RBFOX3: variants seen among roughly 807,000 people sequenced by gnomAD.
RBFOX3 encodes RNA binding fox-1 homolog 3.
A neutral mutation model predicts 48.7 loss-of-function variants in RBFOX3; 17 were observed. The observed-to-expected ratio is 0.35, with a 90% CI of 0.24 to 0.52. RBFOX3 has a LOEUF of 0.52. RBFOX3 is among the 20% of genes least tolerant of loss of function. The pLI is 0.94. For missense variants in RBFOX3, 382 were observed against 497.5 expected (o/e 0.77, Z 2.21); for synonymous variants, 212 against 209.5 (o/e 1.01, Z -0.10).
At chr17:79,097,255 C>A in intron 11 of RBFOX3, 37 bp downstream of exon 11, 3 of 1,476,868 alleles carry the variant, frequency 2.0e-6, no homozygotes, top group South Asian at 1.2e-5. Flanking sequence ...CGCCGTCCTA[C>A]CCCCTCCTCC....
intron 1 of RBFOX3, among the ~76,000 whole-genome samples, chr17:79,607,390 C>T (rs889749394): frequency 3.9e-5 from 6 of 152,128 alleles, no homozygotes; most frequent in African/African-American, 1.4e-4. Context: ...AACTTGCAGG[C>T]TCTGGGCTGG....
At chr17:79,388,675 G>A (rs529490901) in intron 2 of RBFOX3, among the ~76,000 whole-genome samples, 18 of 152,146 alleles carry the variant, frequency 1.2e-4, no homozygotes, top group South Asian at 2.1e-4. Context: ...TAGTGGCCAC[G>A]GAGGATGTCC....
rs572920105 is a variant in RBFOX3 at position 79,187,352 on chromosome 17, G to A, written c.-34+48414C>T. ...CCGACCATCCTCAGGCTTCCCCTGCGCCGTGAGGACAGTGTGCAGCTTGGC... is the reference window on the plus strand; with the variant it reads ...CCGACCATCCTCAGGCTTCCCCTGCACCGTGAGGACAGTGTGCAGCTTGGC... On this transcript the variant is annotated intron_variant, in intron 4 of 14. Coordinates refer to ENST00000693108, the MANE Select transcript of RBFOX3 (RefSeq NM_001350451.2). Among the ~76,000 whole-genome samples, 25 of 152,296 alleles carry A rather than the reference G, an allele frequency of 1.6e-4. 1 individual carries two copies. The highest frequency in any genetic ancestry group is 3.4e-3 in the Middle Eastern group (1 of 294).
In RBFOX3 at chr17:79,299,979, A is replaced by G. The variant is rs2075054382; in HGVS notation, c.-74+7745T>C. 6.7e-6 allele frequency among the ~76,000 whole-genome samples: 1 copy of G among 150,086 alleles called. No individual in the cohort carries two copies. The highest frequency in any genetic ancestry group is 1.5e-5 in the Non-Finnish European group (1 of 67,746). On this transcript the variant is annotated intron_variant, in intron 3 of 14. Coordinates refer to ENST00000693108, the MANE Select transcript of RBFOX3 (RefSeq NM_001350451.2). The surrounding 1 kb of genome is among the most constrained non-coding windows in gnomAD (Gnocchi z 4.5). ...GAGTGCAGTGGCATGATCTCGGCTC[A>G]CTGCAACCTCTGCCTCCCGGGTTCC...
chr17:79,312,335 C>T (rs148738950), intron 2 of RBFOX3, among the ~76,000 whole-genome samples: 137 of 150,610 alleles, frequency 9.1e-4, no homozygotes, highest in African/African-American at 2.8e-3. Flanking sequence ...GACAGAGAGC[C>T]GGTGGCAGCA....
In RBFOX3 at chr17:79,214,171, A is replaced by G. The variant is rs1289535427; in HGVS notation, c.-34+21595T>C. Among the ~76,000 whole-genome samples, 1 of 152,220 alleles carries G rather than the reference A, an allele frequency of 6.6e-6. No individual in the cohort carries two copies. Among genetic ancestry groups the G allele is most frequent in the Non-Finnish European group, 1.5e-5 (1 of 68,040 alleles). On this transcript the variant is annotated intron_variant, in intron 4 of 14. Coordinates refer to ENST00000693108, the MANE Select transcript of RBFOX3 (RefSeq NM_001350451.2). This position sits in a 1 kb window ranked among gnomAD's most constrained non-coding sequence, Gnocchi z 4.7. ...CTCTCTTTAGGAACTGCCCCTCACC[A>G]GAGCTTTGCCACCCGTGGGTATTAG...
chr17:79,160,793 A>G (rs60756193), intron 4 of RBFOX3, among the ~76,000 whole-genome samples: 17,103 of 152,168 alleles, frequency 0.11, 1,440 homozygotes, highest in African/African-American at 0.23. Flanking sequence ...CAGCCTGGTC[A>G]ACATGGTGAA....
chr17:79,587,754 G>T (rs2144991666), intron 1 of RBFOX3, among the ~76,000 whole-genome samples: 1 of 152,326 alleles, frequency 6.6e-6, no homozygotes, highest in Non-Finnish European at 1.5e-5. Flanking sequence ...GTCCCACTTG[G>T]AGGCAGGGGG....
In RBFOX3 at chr17:79,111,459, A is replaced by G. The variant is rs1465057639; in HGVS notation, c.222+4035T>C. Among the ~76,000 whole-genome samples, 3 of 151,946 alleles carry G rather than the reference A, an allele frequency of 2.0e-5. No individual in the cohort carries two copies. In the East Asian group the frequency reaches 5.8e-4, roughly 29 times the overall value. ...GTGCTAATCTCTCTCTCTTTTTCTC[A>G]GAGTTTTGCTCTGTCGCCCAGGCTG... On this transcript the variant is annotated intron_variant, in intron 5 of 14. Transcript: ENST00000693108. This position sits in a 1 kb window ranked among gnomAD's most constrained non-coding sequence, Gnocchi z 4.2.
At chr17:79,326,489 A>T (rs2079351258) in intron 2 of RBFOX3, among the ~76,000 whole-genome samples, 1 of 152,168 alleles carries the variant, frequency 6.6e-6, no homozygotes. Flanking sequence ...CAGGCACTAC[A>T]CTGGATGCCG....
chr17:79,402,163 GAGA>G (rs973460718), intron 2 of RBFOX3, among the ~76,000 whole-genome samples: 4 of 152,342 alleles, frequency 2.6e-5, no homozygotes, highest in East Asian at 1.9e-4. Context: ...TCTCTGGAGA[GAGA>G]AGAAGGGAAG....
intron 2 of RBFOX3, among the ~76,000 whole-genome samples, chr17:79,433,674 C>G (rs1455749189): frequency 6.6e-6 from 1 of 151,158 alleles, no homozygotes; most frequent in Non-Finnish European, 1.5e-5. Context: ...GCAGCTGCAG[C>G]ACCCAGCCCA....
chr17:79,312,789 C>T (rs1174014705), intron 2 of RBFOX3, among the ~76,000 whole-genome samples: 1 of 152,164 alleles, frequency 6.6e-6, no homozygotes, highest in Non-Finnish European at 1.5e-5. Flanking sequence ...CGCAGGTCTT[C>T]CTTGGCCTGA....
At chr17:79,494,740 C>T (rs1230660940) in intron 1 of RBFOX3, among the ~76,000 whole-genome samples, 2 of 152,224 alleles carry the variant, frequency 1.3e-5, no homozygotes, top group Non-Finnish European at 2.9e-5. Context: ...AGCAGCAGGA[C>T]CCAGGCTGGA....
intron 9 of RBFOX3, chr17:79,098,251 T>A (rs1490843190): frequency 1.3e-5 from 2 of 156,418 alleles, no homozygotes; most frequent in African/African-American, 4.8e-5. Context: ...CTGCTCCCTC[T>A]TCCCCGTGCT....
chr17:79,487,070 A>G (rs1356869398), intron 1 of RBFOX3, among the ~76,000 whole-genome samples: 1 of 152,186 alleles, frequency 6.6e-6, no homozygotes, highest in African/African-American at 2.4e-5. Flanking sequence ...TAGCAGAAGG[A>G]GTGAGAGAGA....
intron 14 of RBFOX3, chr17:79,092,364 G>GACAT: frequency 1.0e-6 from 1 of 985,674 alleles, no homozygotes; most frequent in Non-Finnish European, 1.2e-6. Flanking sequence ...CACGGTTGCA[G>GACAT]ACATACAGGA....
At chr17:79,617,244 C>A in the RBFOX3 span, among the ~76,000 whole-genome samples, 1 of 152,186 alleles carries the variant, frequency 6.6e-6, no homozygotes, top group Non-Finnish European at 1.5e-5. Flanking sequence ...CTTGCTCTAT[C>A]CTCTTCTGTC....
At chr17:79,452,940 T>C (rs1439657317) in intron 2 of RBFOX3, among the ~76,000 whole-genome samples, 6 of 152,174 alleles carry the variant, frequency 3.9e-5, no homozygotes, top group African/African-American at 1.4e-4. Context: ...CCCGGCCACC[T>C]GGACCACGTC....
Sources: allele counts gnomAD v4.1 joint callset (sites outside exome capture counted in the v4.1 genomes callset), GRCh38; gene constraint gnomAD v4.1.1; non-coding constraint Gnocchi (gnomAD v3.1); transcripts MANE v1.5; gene names NCBI Gene and HGNC (gene_info 2026-07-23, HGNC 2026-07-21).